FOXE1: variants seen among roughly 807,000 people sequenced by gnomAD.
FOXE1 encodes forkhead box E1, also known as forkhead box protein E1.
FOXE1 carries 4 observed loss-of-function variants against 2.1 expected under a neutral mutation model. The observed-to-expected ratio is 1.91, with a 90% CI of 0.94 to 4.37. The LOEUF (loss-of-function observed/expected upper bound fraction) is 4.37. Ranked by LOEUF, FOXE1 falls within the 30% of genes most tolerant of loss-of-function variation. The pLI, the probability that FOXE1 is intolerant of heterozygous loss-of-function variation, is 0.01. For missense variants in FOXE1, 574 were observed against 583.3 expected (o/e 0.98, Z 0.16); for synonymous variants, 277 against 272.4 (o/e 1.02, Z -0.17).
At position 97,856,455 on chromosome 9, in the gene FOXE1, T is replaced by C. The variant is rs904762705; in HGVS notation, c.*1419T>C. The C allele has an allele frequency of 1.8e-5, 3 of 167,108 alleles. No individual in the cohort carries two copies. Among genetic ancestry groups the C allele is most frequent in the African/African-American group, 2.4e-5 (1 of 41,456 alleles). The allele number at this position is 167,108 out of a possible 1,614,324, so 10.4% of individuals were successfully genotyped here. On this transcript the variant is annotated 3_prime_UTR_variant, in exon 1 of 1. Transcript: ENST00000375123. ...TAAAAATCTTTGAGCAAGTGAGTTA[T>C]GGCAAGAGAAACTCAGCCTCTTTCT...
Position 97,853,895 on chromosome 9 carries a change from G to C in FOXE1, c.-20G>C, listed in dbSNP as rs891168156. 7.9e-7 allele frequency: 1 copy of C among 1,271,102 alleles called. No individual in the cohort carries two copies. The highest frequency in any genetic ancestry group is 1.6e-5 in the African/African-American group (1 of 64,108). The allele number at this position is 1,271,102 out of a possible 1,614,324, so 78.7% of individuals were successfully genotyped here. A position where few individuals can be genotyped will look rare whatever the true frequency, so the allele number is the denominator to read the frequency against. Reference sequence around the variant, plus strand: ...ACAGCCGCGGGGATCCAGAGCCCGGGGGTGCGGGACGCCCGCGCCATGACT... The same window carrying C: ...ACAGCCGCGGGGATCCAGAGCCCGGCGGTGCGGGACGCCCGCGCCATGACT... On this transcript the variant is annotated 5_prime_UTR_variant, in exon 1 of 1. Coordinates refer to ENST00000375123, the MANE Select transcript of FOXE1 (RefSeq NM_004473.4).
At position 97,853,839 on chromosome 9, in the gene FOXE1, C is replaced by T. The variant is rs1830622733; in HGVS notation, c.-76C>T. The T allele has an allele frequency of 1.7e-6, 2 of 1,167,174 alleles. No individual in the cohort carries two copies. The highest frequency in any genetic ancestry group is 2.1e-6 in the Non-Finnish European group (2 of 930,636). 72.3% of individuals were successfully genotyped at this position (1,167,174 alleles called of 1,614,324 possible). On this transcript the variant is annotated 5_prime_UTR_variant, in exon 1 of 1. Transcript: ENST00000375123. Reference sequence around the variant, plus strand: ...TCCGCAGAAGGGCCGAGCGTCCGTTCCGGGGACGCCAGGCCCGCCCCCGCC... The same window carrying T: ...TCCGCAGAAGGGCCGAGCGTCCGTTTCGGGGACGCCAGGCCCGCCCCCGCC...
chr9:97,854,511 CT>C lies in FOXE1; in HGVS notation c.598del (p.Tyr200ThrfsTer167). 1 of 1,250,448 alleles carries C rather than the reference CT, an allele frequency of 8.0e-7. No individual in the cohort carries two copies. The highest frequency in any genetic ancestry group is 1.0e-6 in the Non-Finnish European group (1 of 1,001,164). The allele number at this position is 1,250,448 out of a possible 1,614,324, so 77.5% of individuals were successfully genotyped here. ...CCTACCCGGGCGCCGTCTATGCAGG[CT>C]ACGCGCCGCCGTCGCTGGCCGCGCC... ...PPYPGAVYAG[Y>X]APPSLAAPPP... On this transcript the variant is annotated frameshift_variant, in exon 1 of 1. Coordinates refer to ENST00000375123, the MANE Select transcript of FOXE1 (RefSeq NM_004473.4). LOFTEE classifies it low-confidence loss of function (END_TRUNC).
In FOXE1 at chr9:97,854,274, C is replaced by T; in HGVS notation, c.360C>T (p.Arg120=). 3.7e-6 allele frequency: 6 copies of T among 1,612,730 alleles called. No homozygotes were observed. Among genetic ancestry groups the T allele is most frequent in the Non-Finnish European group, 5.1e-6 (6 of 1,179,584 alleles). The change falls in exon 1 of 1, where the codon CGC becomes CGT. Residue 120 remains arginine (R), a synonymous_variant. Coordinates refer to ENST00000375123, the MANE Select transcript of FOXE1 (RefSeq NM_004473.4). ...CFLKIPREAG[R]PGKGNYWALD... ...TCAAGATCCCGCGCGAGGCCGGCCGCCCGGGTAAGGGCAACTACTGGGCGC... is the reference window on the plus strand; with the variant it reads ...TCAAGATCCCGCGCGAGGCCGGCCGTCCGGGTAAGGGCAACTACTGGGCGC...
Position 97,854,507 on chromosome 9 carries a change from C to T in FOXE1, c.593C>T (p.Ala198Val). 1 of 1,243,152 alleles carries T rather than the reference C, an allele frequency of 8.0e-7. No individual in the cohort carries two copies. The highest frequency in any genetic ancestry group is 1.0e-6 in the Non-Finnish European group (1 of 997,854). The allele number at this position is 1,243,152 out of a possible 1,614,324, so 77.0% of individuals were successfully genotyped here. A position where few individuals can be genotyped will look rare whatever the true frequency, so the allele number is the denominator to read the frequency against. Residue 198 changes from alanine to valine, a missense_variant, in exon 1 of 1, where the codon GCA (alanine) becomes GTA (valine). Ala to Val is a moderately conservative substitution (Grantham distance 64). Transcript: ENST00000375123. ...ARPPYPGAVY[A>V]GYAPPSLAAP... ...CCCCCCTACCCGGGCGCCGTCTATG[C>T]AGGCTACGCGCCGCCGTCGCTGGCC... is the stretch of plus-strand genomic sequence containing the variant.
rs142802537 is a variant in FOXE1 at position 97,855,655 on chromosome 9, C to T, written c.*619C>T. ...TGCGTCAGCACTCCAGTCCCATCAC[C>T]TGAACCTTCAGTCTCCCCCATCTGT... On this transcript the variant is annotated 3_prime_UTR_variant, in exon 1 of 1. Coordinates refer to ENST00000375123, the MANE Select transcript of FOXE1 (RefSeq NM_004473.4). The T allele has an allele frequency of 1.2e-4, 20 of 170,308 alleles. No homozygotes were observed. The South Asian group carries it at 2.3e-3, about 20-fold the overall frequency. The allele number at this position is 170,308 out of a possible 1,614,324, so 10.5% of individuals were successfully genotyped here.
rs1340808410 is a variant in FOXE1, at chr9:97,854,175, C to T, written c.261C>T (p.Phe87=). Residue 87 remains phenylalanine, a synonymous_variant, in exon 1 of 1, where the codon TTC becomes TTT. Transcript: ENST00000375123. ...GGIYKFITER[F]PFYRDNPKKW... is the part of the protein sequence containing the mutation. ...TCTACAAGTTCATCACCGAGCGCTT[C>T]CCCTTCTACCGCGACAACCCCAAAA... 10 of 1,613,080 alleles carry T rather than the reference C, an allele frequency of 6.2e-6. No homozygotes were observed. The South Asian group carries it at 1.1e-4, about 18-fold the overall frequency.
chr9:97,854,233 C>T lies in FOXE1; in HGVS notation c.319C>T (p.Leu107Phe), dbSNP rs1415937469. ...GAACAGCATCCGCCACAACCTCACA[C>T]TCAACGACTGCTTCCTCAAGATCCC... ...WQNSIRHNLT[L>F]NDCFLKIPRE... Residue 107 changes from leucine to phenylalanine, a missense_variant, in exon 1 of 1, where the codon CTC becomes TTC. Around this residue, in one of 3 missense-constraint regions of FOXE1, gnomAD observed 249 missense variants for 269.6 expected, o/e 0.92. Coordinates refer to ENST00000375123, the MANE Select transcript of FOXE1 (RefSeq NM_004473.4). 1 of 1,613,188 alleles carries T rather than the reference C, an allele frequency of 6.2e-7. No individual in the cohort carries two copies. The highest frequency in any genetic ancestry group is 1.3e-5 in the African/African-American group (1 of 75,008).
chr9:97,854,915 G>C lies in FOXE1; in HGVS notation c.1001G>C (p.Gly334Ala). The change falls in exon 1 of 1, where the codon GGA becomes GCA. Residue 334 changes from glycine to alanine, a missense_variant. Gly to Ala is a moderately conservative substitution (Grantham distance 60). This residue lies in a region of FOXE1 where 316 missense variants were observed against 288.4 expected (regional missense o/e 1.10). Transcript: ENST00000375123. ...GGGCGCACGTCGCCCGGCCAGTTCG[G>C]AGCGCTGGGAGCCTGCTACAACCCT... ...FYGRTSPGQF[G>A]ALGACYNPGG... The C allele has an allele frequency of 6.3e-7, 1 of 1,599,610 alleles. No individual in the cohort carries two copies. The highest frequency in any genetic ancestry group is 8.5e-7 in the Non-Finnish European group (1 of 1,179,582).
chr9:97,855,313 G>A lies in FOXE1; in HGVS notation c.*277G>A. On this transcript the variant is annotated 3_prime_UTR_variant, in exon 1 of 1. Coordinates refer to ENST00000375123, the MANE Select transcript of FOXE1 (RefSeq NM_004473.4). ...GGATGCTTTCTGGTATTCTATCGGG[G>A]AGGGTCCTTGGCGGTAACCAGAGGG... 1 of 573,200 alleles carries A rather than the reference G, an allele frequency of 1.7e-6. No individual in the cohort carries two copies. The highest frequency in any genetic ancestry group is 3.2e-6 in the Non-Finnish European group (1 of 308,904). The allele number at this position is 573,200 out of a possible 1,614,324, so 35.5% of individuals were successfully genotyped here.
In FOXE1 at chr9:97,854,701, C is replaced by A; in HGVS notation, c.787C>A (p.Pro263Thr). The A allele has an allele frequency of 7.1e-7, 1 of 1,412,948 alleles. No homozygotes were observed. The highest frequency in any genetic ancestry group is 9.1e-7 in the Non-Finnish European group (1 of 1,094,480). 87.5% of individuals were successfully genotyped at this position (1,412,948 alleles called of 1,614,324 possible). A position where few individuals can be genotyped will look rare whatever the true frequency, so the allele number is the denominator to read the frequency against. The change falls in exon 1 of 1, where the codon CCC (proline) becomes ACC (threonine). Residue 263 changes from proline to threonine, a missense_variant. Coordinates refer to ENST00000375123, the MANE Select transcript of FOXE1 (RefSeq NM_004473.4). ...CCCCGCTACCACCACCGGCTACCAG[C>A]CCGCAGGCTGCACCGGGGCCCGGCC... ...GAPATTTGYQPAGCTGARPAN... is the reference protein window; with the variant it reads ...GAPATTTGYQTAGCTGARPAN...
chr9:97,854,127 G>C lies in FOXE1; in HGVS notation c.213G>C (p.Glu71Asp). 6.2e-7 allele frequency: 1 copy of C among 1,612,186 alleles called. No homozygotes were observed. The highest frequency in any genetic ancestry group is 8.5e-7 in the Non-Finnish European group (1 of 1,179,374). The change falls in exon 1 of 1, where the codon GAG becomes GAC. Residue 71 changes from glutamate (E) to aspartate (D), a missense_variant. By Grantham distance (45) the Glu-to-Asp change is conservative (BLOSUM62 2). Transcript: ENST00000375123. ...CCATGGCCATCGCGCACGCGCCCGA[G>C]CGCCGCCTCACGCTGGGCGGCATCT... ...LIAMAIAHAP[E>D]RRLTLGGIYK...
Position 97,854,750 on chromosome 9 carries a change from C to T in FOXE1, c.836C>T (p.Ala279Val), listed in dbSNP as rs1318033693. The T allele has an allele frequency of 6.8e-7, 1 of 1,474,510 alleles. No homozygotes were observed. Among genetic ancestry groups the T allele is most frequent in the African/African-American group, 1.5e-5 (1 of 68,834 alleles). 91.3% of individuals were successfully genotyped at this position (1,474,510 alleles called of 1,614,324 possible). The change falls in exon 1 of 1, where the codon GCT (alanine) becomes GTT (valine). Residue 279 changes from alanine to valine, a missense_variant. Ala to Val is a moderately conservative substitution (Grantham distance 64). Coordinates refer to ENST00000375123, the MANE Select transcript of FOXE1 (RefSeq NM_004473.4). ...ARPANPSAYA[A>V]AYAGPDGAYP... Reference sequence around the variant, plus strand: ...CCGGCCAACCCCTCCGCCTATGCGGCTGCCTACGCGGGCCCCGACGGCGCG... The same window carrying T: ...CCGGCCAACCCCTCCGCCTATGCGGTTGCCTACGCGGGCCCCGACGGCGCG...
Position 97,854,671 on chromosome 9 carries a change from G to T in FOXE1, c.757G>T (p.Gly253Cys). 7.1e-7 allele frequency: 1 copy of T among 1,402,634 alleles called. No individual in the cohort carries two copies. Among genetic ancestry groups the T allele is most frequent in the Non-Finnish European group, 9.2e-7 (1 of 1,087,012 alleles). The allele number at this position is 1,402,634 out of a possible 1,614,324, so 86.9% of individuals were successfully genotyped here. ...PGGSCAFASAGAPATTTGYQP... is the reference protein window; with the variant it reads ...PGGSCAFASACAPATTTGYQP... ...CGGCTCTTGCGCCTTTGCCTCCGCCGGCGCCCCCGCTACCACCACCGGCTA... is the reference window on the plus strand; with the variant it reads ...CGGCTCTTGCGCCTTTGCCTCCGCCTGCGCCCCCGCTACCACCACCGGCTA... The change falls in exon 1 of 1, where the codon GGC becomes TGC. Residue 253 changes from glycine to cysteine, a missense_variant. Physicochemically the swap from Gly to Cys is radical, Grantham distance 159. Coordinates refer to ENST00000375123, the MANE Select transcript of FOXE1 (RefSeq NM_004473.4).
Position 97,854,489 on chromosome 9 carries a change from A to G in FOXE1, c.575A>G (p.Tyr192Cys). The change falls in exon 1 of 1, where the codon TAC becomes TGC. Residue 192 changes from tyrosine to cysteine, a missense_variant. Around this residue, in one of 3 missense-constraint regions of FOXE1, gnomAD observed 316 missense variants for 288.4 expected, o/e 1.10. Coordinates refer to ENST00000375123, the MANE Select transcript of FOXE1 (RefSeq NM_004473.4). ...PGAVPAARPP[Y>C]PGAVYAGYAP... ...GCGGTGCCCGCCGCGCGCCCCCCCT[A>G]CCCGGGCGCCGTCTATGCAGGCTAC... The G allele has an allele frequency of 8.2e-7, 1 of 1,225,786 alleles. No homozygotes were observed. Among genetic ancestry groups the G allele is most frequent in the South Asian group, 4.0e-5 (1 of 25,176 alleles). The allele number at this position is 1,225,786 out of a possible 1,614,324, so 75.9% of individuals were successfully genotyped here. A position where few individuals can be genotyped will look rare whatever the true frequency, so the allele number is the denominator to read the frequency against.
chr9:97,853,872 A>C lies in FOXE1; in HGVS notation c.-43A>C, dbSNP rs1830623464. On this transcript the variant is annotated 5_prime_UTR_variant, in exon 1 of 1. Coordinates refer to ENST00000375123, the MANE Select transcript of FOXE1 (RefSeq NM_004473.4). ...GCCAGGCCCGCCCCCGCCCCCCGACAGCCGCGGGGATCCAGAGCCCGGGGG... is the reference window on the plus strand; with the variant it reads ...GCCAGGCCCGCCCCCGCCCCCCGACCGCCGCGGGGATCCAGAGCCCGGGGG... 3 of 1,247,954 alleles carry C rather than the reference A, an allele frequency of 2.4e-6. No individual in the cohort carries two copies. In the Admixed American group the frequency reaches 1.3e-4, roughly 54 times the overall value. 77.3% of individuals were successfully genotyped at this position (1,247,954 alleles called of 1,614,324 possible). A position where few individuals can be genotyped will look rare whatever the true frequency, so the allele number is the denominator to read the frequency against.
rs1299533649 is a variant in FOXE1, at chr9:97,855,113, G to C, written c.*77G>C. The stretch of plus-strand genomic sequence containing the variant: ...CGCAATCTGAGAACGAACAGGAATG[G>C]AGAGAGGACTCAACTGGGACCCACG... On this transcript the variant is annotated 3_prime_UTR_variant, in exon 1 of 1. Coordinates refer to ENST00000375123, the MANE Select transcript of FOXE1 (RefSeq NM_004473.4). 1 of 1,550,782 alleles carries C rather than the reference G, an allele frequency of 6.4e-7. No homozygotes were observed. The highest frequency in any genetic ancestry group is 8.8e-7 in the Non-Finnish European group (1 of 1,137,484).
rs1478206560 is a variant in FOXE1, at chr9:97,854,769, C to G, written c.855C>G (p.Asp285Glu). The change falls in exon 1 of 1, where the codon GAC becomes GAG. Residue 285 changes from aspartate (D) to glutamate (E), a missense_variant. This residue lies in a region of FOXE1 where 316 missense variants were observed against 288.4 expected (regional missense o/e 1.10). Coordinates refer to ENST00000375123, the MANE Select transcript of FOXE1 (RefSeq NM_004473.4). ...ATGCGGCTGCCTACGCGGGCCCCGA[C>G]GGCGCGTACCCGCAGGGCGCCGGCA... ...SAYAAAYAGP[D>E]GAYPQGAGSA... 7 of 1,497,190 alleles carry G rather than the reference C, an allele frequency of 4.7e-6. No homozygotes were observed. The highest frequency in any genetic ancestry group is 6.2e-6 in the Non-Finnish European group (7 of 1,132,392). 92.7% of individuals were successfully genotyped at this position (1,497,190 alleles called of 1,614,324 possible).
chr9:97,854,510 G>A lies in FOXE1; in HGVS notation c.596G>A (p.Gly199Asp). ...RPPYPGAVYA[G>D]YAPPSLAAPP... is the part of the protein sequence containing the mutation. Reference sequence around the variant, plus strand: ...CCCTACCCGGGCGCCGTCTATGCAGGCTACGCGCCGCCGTCGCTGGCCGCG... The same window carrying A: ...CCCTACCCGGGCGCCGTCTATGCAGACTACGCGCCGCCGTCGCTGGCCGCG... Residue 199 changes from glycine (G) to aspartate (D), a missense_variant, in exon 1 of 1, where the codon GGC becomes GAC. By Grantham distance (94) the Gly-to-Asp change is moderately conservative. Transcript: ENST00000375123. The A allele has an allele frequency of 1.6e-6, 2 of 1,249,818 alleles. No homozygotes were observed. The highest frequency in any genetic ancestry group is 2.0e-6 in the Non-Finnish European group (2 of 1,000,770). 77.4% of individuals were successfully genotyped at this position (1,249,818 alleles called of 1,614,324 possible).
Sources: allele counts gnomAD v4.1 joint callset, GRCh38; gene constraint gnomAD v4.1.1; regional missense constraint gnomAD v4.1.1; transcripts MANE v1.5; gene names NCBI Gene and HGNC (gene_info 2026-07-23, HGNC 2026-07-21).